Variants in NAV1 observed in about 807,000 individuals in gnomAD.
NAV1 encodes the protein pore membrane and/or filament interacting like protein 3.
NAV1 carries 18 observed loss-of-function variants against 175.2 expected under a neutral mutation model. The ratio of observed to expected loss-of-function variants is 0.10; its 90% CI spans 0.07 to 0.15. The LOEUF is 0.15. Ranked by LOEUF, NAV1 falls within the 10% of genes least tolerant of loss-of-function variation. The probability of loss-of-function intolerance (pLI) is 1.00; values close to 1 mark genes in which losing one functional copy is unlikely to be tolerated. For missense variants in NAV1, 1,731 were observed against 2,436.6 expected (o/e 0.71, Z 6.10); for synonymous variants, 897 against 978.7 (o/e 0.92, Z 1.56).
intron 21 of NAV1, 89 bp downstream of exon 25, chr1:201,809,350 C>T (rs1435587589): frequency 1.9e-6 from 3 of 1,587,012 alleles, no homozygotes; most frequent in Admixed American, 3.4e-5. Flanking sequence ...ACCTCCAAAA[C>T]CAAAGAACTC....
In NAV1 at chr1:201,807,481, G is replaced by A. The variant is rs901729677; in HGVS notation, c.3649-472G>A. Among the ~76,000 whole-genome samples, 3 of 152,180 alleles carry A rather than the reference G, an allele frequency of 2.0e-5. No individual in the cohort carries two copies. The highest frequency in any genetic ancestry group is 4.4e-5 in the Non-Finnish European group (3 of 68,032). On this transcript the variant is annotated intron_variant, in intron 17 of 29. Coordinates refer to ENST00000367296, the Ensembl canonical transcript of NAV1. The surrounding 1 kb of genome is among the most constrained non-coding windows in gnomAD (Gnocchi z 5.4). ...CACAGTGAGCCAGGTTCTAGACTGA[G>A]CGGTTATTGTTCTGCTGCAGAAGGT...
At chr1:201,622,113 G>A (rs917695493), upstream of NAV1, among the ~76,000 whole-genome samples, 2 of 152,152 alleles carry the variant, frequency 1.3e-5, no homozygotes, top group African/African-American at 4.8e-5. Flanking sequence ...TTTAGACGAG[G>A]GTGGCAGGAG....
chr1:201,677,230 G>A (rs972690493), intron 1 of NAV1, among the ~76,000 whole-genome samples: 5 of 129,692 alleles, frequency 3.9e-5, no homozygotes, highest in Admixed American at 2.9e-4. Flanking sequence ...CAGCCTGGGC[G>A]ACAGATTGAG....
chr1:201,629,802 A>C (rs1012897088), intron 2 of NAV1, among the ~76,000 whole-genome samples: 8 of 152,134 alleles, frequency 5.3e-5, no homozygotes, highest in Non-Finnish European at 7.4e-5. Context: ...ACAAGCTGGG[A>C]GTGAGAGCCA....
At chr1:201,601,217 C>T (rs1667500939) in intron 2 of NAV1, among the ~76,000 whole-genome samples, 1 of 152,244 alleles carries the variant, frequency 6.6e-6, no homozygotes. Flanking sequence ...TGTAGTGGCT[C>T]ATGCCTGTAA....
At chr1:201,700,747 C>T (rs1478331204) in intron 1 of NAV1, among the ~76,000 whole-genome samples, 1 of 152,146 alleles carries the variant, frequency 6.6e-6, no homozygotes, top group African/African-American at 2.4e-5. Context: ...CGCAATGGCT[C>T]ACGCCTGTAA....
exon 1 of NAV1, chr1:201,649,090 A>T: frequency 6.2e-7 from 1 of 1,613,064 alleles, no homozygotes; most frequent in African/African-American, 1.3e-5. Context: ...ACGCTGTCCA[A>T]GTCGGAGCAC....
At chr1:201,805,231 A>G (rs1289849104) in intron 17 of NAV1, among the ~76,000 whole-genome samples, 1 of 152,226 alleles carries the variant, frequency 6.6e-6, no homozygotes, top group Non-Finnish European at 1.5e-5. Context: ...AGAAGGCTGC[A>G]GTATTACTGG....
chr1:201,628,171 C>T (rs1668388477), intron 1 of NAV1, among the ~76,000 whole-genome samples: 1 of 150,150 alleles, frequency 6.7e-6, no homozygotes, highest in Non-Finnish European at 1.5e-5. Flanking sequence ...GACAGTAGTA[C>T]ATGGCGATTG....
At chr1:201,803,529 TG>T in intron 15 of NAV1, 63 bp from the exon 20 acceptor site, 1 of 1,554,910 alleles carries the variant, frequency 6.4e-7, no homozygotes, top group East Asian at 2.3e-5. Context: ...CCACTAGACT[TG>T]CCTGAAGTCT....
At chr1:201,741,042 C>T (rs1206365158) in intron 3 of NAV1, among the ~76,000 whole-genome samples, 3 of 152,144 alleles carry the variant, frequency 2.0e-5, no homozygotes, top group African/African-American at 7.2e-5. Context: ...TGTGGCCACT[C>T]CCACCTCAAA....
chr1:201,598,826 C>A (rs1321585985), intron 2 of NAV1, among the ~76,000 whole-genome samples: 1 of 152,130 alleles, frequency 6.6e-6, no homozygotes, highest in African/African-American at 2.4e-5. Context: ...GAACCCGAGT[C>A]TTCAGTTTGG....
chr1:201,553,491 A>G (rs1196661847), intron 1 of NAV1, among the ~76,000 whole-genome samples: 2 of 152,186 alleles, frequency 1.3e-5, no homozygotes, highest in East Asian at 3.9e-4. Flanking sequence ...AGAAGGAGGG[A>G]ATCCTTTTCT....
chr1:201,646,645 A>G (rs575527196), upstream of NAV1, among the ~76,000 whole-genome samples: 10 of 152,240 alleles, frequency 6.6e-5, no homozygotes, highest in South Asian at 2.1e-4. Context: ...CCTTTCTGCT[A>G]TGATCCCTGT....
chr1:201,766,739 C>T (rs1023534069), intron 3 of NAV1, among the ~76,000 whole-genome samples: 5 of 152,282 alleles, frequency 3.3e-5, no homozygotes, highest in African/African-American at 9.6e-5. Flanking sequence ...CTCTTTAAAG[C>T]GGACATTTCA....
intron 1 of NAV1, among the ~76,000 whole-genome samples, chr1:201,678,734 C>T (rs1471836143): frequency 6.6e-6 from 1 of 152,208 alleles, no homozygotes; most frequent in Non-Finnish European, 1.5e-5. Flanking sequence ...TTTCTTACCA[C>T]CCACTCACCA....
chr1:201,540,199 G>A (rs1441692807), intron 1 of NAV1, among the ~76,000 whole-genome samples: 6 of 152,206 alleles, frequency 3.9e-5, no homozygotes, highest in African/African-American at 1.4e-4. Context: ...GGCAGAGAGG[G>A]TTCCTTGTCC....
chr1:201,631,659 G>A (rs942667130), intron 2 of NAV1, among the ~76,000 whole-genome samples: 4 of 152,348 alleles, frequency 2.6e-5, no homozygotes, highest in African/African-American at 7.2e-5. Flanking sequence ...TGCCTCCCTC[G>A]CTAGGCCCCA....
At position 201,813,072 on chromosome 1, in the gene NAV1, T is replaced by G. The variant is rs1678792460; in HGVS notation, c.5222-68T>G. ...GACCCCTCTGCCTGGTACTAAGGAG[T>G]AAAAGAGGCACACAACCGGGAAGAT... On this transcript the variant is annotated intron_variant, in intron 27 of 29. Transcript: ENST00000367296. The surrounding 1 kb of genome is among the most constrained non-coding windows in gnomAD (Gnocchi z 4.2). The G allele has an allele frequency of 2.6e-6, 3 of 1,167,364 alleles. No homozygotes were observed. In the South Asian group the frequency reaches 3.8e-5, roughly 15 times the overall value. 72.3% of individuals were successfully genotyped at this position (1,167,364 alleles called of 1,614,324 possible). A position where few individuals can be genotyped will look rare whatever the true frequency, so the allele number is the denominator to read the frequency against.
Sources: allele counts gnomAD v4.1 joint callset (sites outside exome capture counted in the v4.1 genomes callset), GRCh38; gene constraint gnomAD v4.1.1; non-coding constraint Gnocchi (gnomAD v3.1); transcripts MANE v1.5; gene names NCBI Gene and HGNC (gene_info 2026-07-23, HGNC 2026-07-21).